Variants in HDAC9 observed in about 807,000 individuals in gnomAD.
HDAC9 encodes MEF-2 interacting transcription repressor (MITR) protein.
A neutral mutation model predicts 139.4 loss-of-function variants in HDAC9; 41 were observed. The observed-to-expected ratio is 0.29, with a 90% CI of 0.23 to 0.38. HDAC9 has a LOEUF of 0.38. Among genes scored for constraint, HDAC9 ranks in the 10% least tolerant of loss-of-function variants. The pLI is 1.00. For synonymous variants in HDAC9, 517 were observed against 476.2 expected (o/e 1.09, Z -1.12); for missense variants, 1,147 against 1,297.0 (o/e 0.88, Z 1.78).
intron 2 of HDAC9, among the ~76,000 whole-genome samples, chr7:18,179,303 T>C (rs749649333): frequency 2.6e-5 from 4 of 152,330 alleles, no homozygotes; most frequent in East Asian, 3.9e-4. Context: ...AACCCATTAG[T>C]TGATTGCAAA....
At chr7:18,498,944 G>A (rs1003577407) in intron 2 of HDAC9, among the ~76,000 whole-genome samples, 6 of 151,928 alleles carry the variant, frequency 3.9e-5, no homozygotes, top group African/African-American at 1.4e-4. Flanking sequence ...GTCACATGGG[G>A]GAAATGATTG....
intron 11 of HDAC9, among the ~76,000 whole-genome samples, chr7:18,655,107 G>A (rs1790677284): frequency 6.6e-6 from 1 of 152,182 alleles, no homozygotes. Flanking sequence ...TCATCTATGG[G>A]TGGTTGGAAA....
chr7:18,697,218 T>C (rs1783117798), intron 12 of HDAC9, among the ~76,000 whole-genome samples: 1 of 152,156 alleles, frequency 6.6e-6, no homozygotes, highest in Non-Finnish European at 1.5e-5. Flanking sequence ...TCCTGGCAGA[T>C]GAGATGCTCA....
chr7:18,618,045 G>T (rs982060080), intron 6 of HDAC9, among the ~76,000 whole-genome samples: 4 of 152,136 alleles, frequency 2.6e-5, no homozygotes, highest in Non-Finnish European at 5.9e-5. Context: ...GGAATGAAAT[G>T]ACTTGCTAGA....
At chr7:18,301,073 C>CT (rs1199770123) in intron 1 of HDAC9, among the ~76,000 whole-genome samples, 1 of 146,158 alleles carries the variant, frequency 6.8e-6, no homozygotes, top group Non-Finnish European at 1.5e-5. Flanking sequence ...GATGAAAACA[C>CT]TGTTTTTTTT....
At chr7:18,300,824 T>C (rs143683866) in intron 1 of HDAC9, among the ~76,000 whole-genome samples, 5 of 152,236 alleles carry the variant, frequency 3.3e-5, no homozygotes, top group African/African-American at 7.2e-5. Flanking sequence ...GTATATGTAA[T>C]TGACAAAAAA....
intron 25 of HDAC9, among the ~76,000 whole-genome samples, chr7:18,991,554 G>T (rs1459741027): frequency 6.6e-6 from 1 of 151,908 alleles, no homozygotes; most frequent in African/African-American, 2.4e-5. Context: ...GGAGAATGGT[G>T]TTAACTCAGG....
chr7:18,980,598 A>C (rs1482925932), intron 25 of HDAC9, among the ~76,000 whole-genome samples: 1 of 152,096 alleles, frequency 6.6e-6, no homozygotes, highest in Non-Finnish European at 1.5e-5. Flanking sequence ...AAACTTGATA[A>C]AGGTTTATTA....
intron 1 of HDAC9, among the ~76,000 whole-genome samples, chr7:18,133,975 CATCT>C (rs1013188582): frequency 2.7e-5 from 4 of 149,910 alleles, no homozygotes. Context: ...GCCTTTCATC[CATCT>C]ATTTTTTTTT....
At chr7:18,832,235 T>C (rs753885640) in intron 19 of HDAC9, among the ~76,000 whole-genome samples, 4 of 152,192 alleles carry the variant, frequency 2.6e-5, no homozygotes, top group African/African-American at 4.8e-5. Context: ...ATTTTGACAA[T>C]AGTACTTTTT....
At chr7:18,251,056 T>A (rs113814110) in intron 2 of HDAC9, among the ~76,000 whole-genome samples, 7,491 of 152,254 alleles carry the variant, frequency 0.049, 235 homozygotes, top group Non-Finnish European at 0.074. Context: ...TACATGCACA[T>A]GTATGGTCAT....
intron 1 of HDAC9, among the ~76,000 whole-genome samples, chr7:18,292,991 T>A (rs953949675): frequency 1.3e-5 from 2 of 151,818 alleles, no homozygotes; most frequent in African/African-American, 2.4e-5. Context: ...AATGGTGTTT[T>A]AAATTTTTTT....
intron 1 of HDAC9, among the ~76,000 whole-genome samples, chr7:18,427,735 C>G (rs1472933449): frequency 1.3e-5 from 2 of 150,406 alleles, no homozygotes; most frequent in African/African-American, 4.9e-5. Context: ...TTTATTGTGG[C>G]AAGAACACTT....
At chr7:18,421,624 A>T (rs528204853) in intron 1 of HDAC9, among the ~76,000 whole-genome samples, 1 of 152,354 alleles carries the variant, frequency 6.6e-6, no homozygotes, top group Admixed American at 6.5e-5. Context: ...TCACACGTTC[A>T]TAAAGTGAAA....
intron 1 of HDAC9, among the ~76,000 whole-genome samples, chr7:18,420,367 G>T (rs1789504588): frequency 6.6e-6 from 1 of 152,148 alleles, no homozygotes; most frequent in South Asian, 2.1e-4. Flanking sequence ...AGTTCAATGT[G>T]CTCAGCTTGT....
chr7:18,200,213 A>G (rs896518699), intron 2 of HDAC9, among the ~76,000 whole-genome samples: 5 of 152,230 alleles, frequency 3.3e-5, no homozygotes, highest in Admixed American at 2.6e-4. Context: ...GACTGCAGTT[A>G]CCTGTAATTT....
chr7:18,318,603 A>T (rs1799816932), intron 1 of HDAC9, among the ~76,000 whole-genome samples: 1 of 152,204 alleles, frequency 6.6e-6, no homozygotes, highest in African/African-American at 2.4e-5. Context: ...GTTGATTTGA[A>T]TCAATTCATC....
chr7:18,221,941 A>G (rs747892043), intron 2 of HDAC9, among the ~76,000 whole-genome samples: 5 of 152,216 alleles, frequency 3.3e-5, no homozygotes, highest in African/African-American at 4.8e-5. Context: ...TCTGATCTCA[A>G]GAAGATTCTG....
chr7:18,917,390 G>A (rs1803300959), intron 22 of HDAC9, among the ~76,000 whole-genome samples: 1 of 151,968 alleles, frequency 6.6e-6, no homozygotes. Context: ...GAATTAGGAT[G>A]TTGAACTACT....
Sources: gnomAD v4.1 joint callset for allele counts (sites outside exome capture counted in the v4.1 genomes callset) on GRCh38, gnomAD v4.1.1 for gene constraint, MANE v1.5 for transcripts, NCBI Gene and HGNC (gene_info 2026-07-23, HGNC 2026-07-21) for gene names.